The following TIAM1 variants were observed in gnomAD, a reference collection of about 807,000 sequenced individuals.
TIAM1 encodes rho guanine nucleotide exchange factor TIAM1.
A neutral mutation model predicts 163.5 loss-of-function variants in TIAM1; 65 were observed. The observed-to-expected ratio is 0.40, with a 90% CI of 0.33 to 0.49. The LOEUF (loss-of-function observed/expected upper bound fraction) is 0.49. Ranked by LOEUF, TIAM1 falls within the 20% of genes least tolerant of loss-of-function variation. TIAM1 has a pLI of 0.77. For missense variants in TIAM1, 1,789 were observed against 2,044.7 expected (o/e 0.87, Z 2.41); for synonymous variants, 833 against 810.1 (o/e 1.03, Z -0.48).
intron 2 of TIAM1, among the ~76,000 whole-genome samples, chr21:31,328,991 A>C (rs914488749): frequency 8.5e-5 from 13 of 152,294 alleles, no homozygotes; most frequent in African/African-American, 3.1e-4. Context: ...ACAGTATAAC[A>C]ACTATTACCT....
In TIAM1 at chr21:31,251,885, G is replaced by C; in HGVS notation, c.1268C>G (p.Ser423Trp). Residue 423 changes from serine to tryptophan, a missense_variant, in exon 5 of 28, where the codon TCG (serine) becomes TGG (tryptophan). Transcript: ENST00000541036. ...CTGTGCGGCGGTCAGCAGGATGTCC[G>C]ACTGGCCCGGAGAGCTCAGGGTGCC... ...SSGTLSSPGQ[S>W]DILLTAAQGT... 1 of 1,613,816 alleles carries C rather than the reference G, an allele frequency of 6.2e-7. No homozygotes were observed. The highest frequency in any genetic ancestry group is 8.5e-7 in the Non-Finnish European group (1 of 1,179,922).
At chr21:31,287,163 G>A (rs543933608) in intron 2 of TIAM1, among the ~76,000 whole-genome samples, 1 of 152,124 alleles carries the variant, frequency 6.6e-6, no homozygotes, top group Non-Finnish European at 1.5e-5. Context: ...CTGCTTCTTA[G>A]TGGTATGCAA....
At chr21:31,297,672 C>G (rs1489295156) in intron 2 of TIAM1, among the ~76,000 whole-genome samples, 3 of 152,214 alleles carry the variant, frequency 2.0e-5, no homozygotes, top group African/African-American at 7.2e-5. Flanking sequence ...GCATGAGCCA[C>G]CGTGCCCGGC....
intron 1 of TIAM1, among the ~76,000 whole-genome samples, chr21:31,502,583 G>A (rs2046883842): frequency 6.6e-6 from 1 of 152,164 alleles, no homozygotes; most frequent in Non-Finnish European, 1.5e-5. Flanking sequence ...ATTTCAGCTA[G>A]GAAAAAAAGG....
intron 2 of TIAM1, among the ~76,000 whole-genome samples, chr21:31,333,777 C>T (rs1259447921): frequency 6.6e-6 from 1 of 152,132 alleles, no homozygotes; most frequent in Non-Finnish European, 1.5e-5. Flanking sequence ...ATCTTTTCTT[C>T]CCTTCTACAC....
At chr21:31,209,966 G>A (rs759960447) in intron 11 of TIAM1, 79 bp downstream of exon 11, 35 of 1,491,192 alleles carry the variant, frequency 2.3e-5, no homozygotes, top group Admixed American at 4.2e-5. Context: ...ACACGGCTCT[G>A]GGTTTCCACA....
chr21:31,409,265 A>C (rs966133962), intron 2 of TIAM1, among the ~76,000 whole-genome samples: 3 of 151,876 alleles, frequency 2.0e-5, no homozygotes, highest in Non-Finnish European at 2.9e-5. Flanking sequence ...ATCCGCCACC[A>C]CACCCAGCTA....
chr21:31,358,436 A>G (rs1289106948), intron 2 of TIAM1, among the ~76,000 whole-genome samples: 2 of 151,980 alleles, frequency 1.3e-5, no homozygotes, highest in South Asian at 2.1e-4. Flanking sequence ...ACAACTCCCA[A>G]TGCATGTCTC....
intron 2 of TIAM1, among the ~76,000 whole-genome samples, chr21:31,392,525 G>A (rs1476110178): frequency 1.3e-4 from 19 of 145,234 alleles, no homozygotes; most frequent in African/African-American, 4.1e-4. Context: ...AGCTGAGATC[G>A]CGCCATCGCA....
chr21:31,351,054 A>C (rs533950892), intron 2 of TIAM1, among the ~76,000 whole-genome samples: 55 of 152,350 alleles, frequency 3.6e-4, no homozygotes, highest in African/African-American at 1.3e-3. Context: ...ATTTCACTCT[A>C]GGAATACTTG....
rs371413844 is a variant in TIAM1, at chr21:31,355,848, G to A, written c.-368-16426C>T. On this transcript the variant is annotated intron_variant, in intron 2 of 28. Coordinates refer to the TIAM1 transcript ENST00000286827. ...ATTCAGGCGTGAGCACTGCGCGCCC[G>A]GCTATTTTTCTCTCCTTTGTACACA... Among the ~76,000 whole-genome samples, 14 of 152,034 alleles carry A rather than the reference G, an allele frequency of 9.2e-5. No individual in the cohort carries two copies. In the East Asian group the frequency reaches 2.1e-3, roughly 23 times the overall value.
At chr21:31,130,653 A>G (rs55999192) in intron 24 of TIAM1, among the ~76,000 whole-genome samples, 7,123 of 152,258 alleles carry the variant, frequency 0.047, 212 homozygotes, top group East Asian at 0.11. Flanking sequence ...CCAATCACCA[A>G]TTGAGTCCAG....
At chr21:31,482,114 C>T (rs928995455) in intron 1 of TIAM1, among the ~76,000 whole-genome samples, 1 of 146,712 alleles carries the variant, frequency 6.8e-6, no homozygotes, top group Non-Finnish European at 1.5e-5. Flanking sequence ...TATATATACA[C>T]ACATATATAT....
chr21:31,263,165 C>A (rs952147032), intron 4 of TIAM1, among the ~76,000 whole-genome samples: 15 of 151,884 alleles, frequency 9.9e-5, no homozygotes, highest in Non-Finnish European at 1.0e-4. Flanking sequence ...AAAGTCAATA[C>A]AAAAATAATA....
chr21:31,485,111 C>T (rs961053262), intron 1 of TIAM1, among the ~76,000 whole-genome samples: 2 of 152,020 alleles, frequency 1.3e-5, no homozygotes, highest in African/African-American at 4.8e-5. Flanking sequence ...TGAATAATTT[C>T]ATTCTTTCAG....
In TIAM1 at chr21:31,462,736, G is replaced by T. The variant is rs994787956; in HGVS notation, c.-369+1247C>A. On this transcript the variant is annotated intron_variant, in intron 2 of 28. Transcript: ENST00000286827. ...ACTGCCTACCTAACCCCACTTTTTT[G>T]TTTTTTTTTTTTGTTTTTTTTTTTG... 2.0e-4 allele frequency among the ~76,000 whole-genome samples: 11 copies of T among 55,318 alleles called. No individual in the cohort carries two copies. In the South Asian group the frequency reaches 3.3e-3, roughly 17 times the overall value. The allele number at this position is 55,318 out of a possible 152,430, so 36.3% of individuals were successfully genotyped here.
intron 13 of TIAM1, among the ~76,000 whole-genome samples, chr21:31,194,269 A>T (rs1334794209): frequency 6.6e-6 from 1 of 150,726 alleles, no homozygotes; most frequent in East Asian, 1.9e-4. Context: ...ATTTGCTATT[A>T]AAAAAATCAT....
At chr21:31,437,629 A>G (rs1377810830) in intron 2 of TIAM1, among the ~76,000 whole-genome samples, 1 of 152,100 alleles carries the variant, frequency 6.6e-6, no homozygotes, top group Non-Finnish European at 1.5e-5. Context: ...CTGGATCACG[A>G]GGGTGGACAT....
At chr21:31,263,125 C>T (rs1305744830) in intron 4 of TIAM1, among the ~76,000 whole-genome samples, 3 of 152,094 alleles carry the variant, frequency 2.0e-5, no homozygotes, top group Non-Finnish European at 4.4e-5. Context: ...GGGTTTGTTT[C>T]AAGTCATTAA....
Sources: allele counts gnomAD v4.1 joint callset (sites outside exome capture counted in the v4.1 genomes callset), GRCh38; gene constraint gnomAD v4.1.1; transcripts MANE v1.5; gene names NCBI Gene and HGNC (gene_info 2026-07-23, HGNC 2026-07-21).